The following KLF12 variants were observed in gnomAD, a reference collection of about 807,000 sequenced individuals.
KLF12 encodes Krueppel-like factor 12.
KLF12 carries 9 observed loss-of-function variants against 37.8 expected under a neutral mutation model. The observed-to-expected ratio is 0.24, with a 90% CI of 0.14 to 0.42. The LOEUF (loss-of-function observed/expected upper bound fraction) is 0.42, where lower values mean the gene tolerates loss of function less well. Among genes scored for constraint, KLF12 ranks in the 10% least tolerant of loss-of-function variants. The pLI is 1.00. For synonymous variants in KLF12, 208 were observed against 202.1 expected, an observed-to-expected ratio of 1.03 and a Z score of -0.25; for missense variants, 411 against 516.0, an observed-to-expected ratio of 0.80 and a Z score of 1.97.
intron 6 of KLF12, among the ~76,000 whole-genome samples, chr13:73,740,969 C>T (rs552541874): frequency 6.6e-6 from 1 of 152,232 alleles, no homozygotes; most frequent in Admixed American, 6.5e-5. Flanking sequence ...CCTAAAAATT[C>T]CAGGAGCAAA....
the KLF12 span, among the ~76,000 whole-genome samples, chr13:74,299,670 A>G: frequency 6.8e-4 from 104 of 152,324 alleles, no homozygotes; most frequent in Non-Finnish European, 1.2e-3. Flanking sequence ...GAACTGCCAT[A>G]GAGAGTTTTG....
chr13:74,273,983 A>G, the KLF12 span, among the ~76,000 whole-genome samples: 2 of 152,196 alleles, frequency 1.3e-5, no homozygotes, highest in African/African-American at 4.8e-5. Context: ...TCATAGTGTA[A>G]TTAAAAATAG....
intron 5 of KLF12, among the ~76,000 whole-genome samples, chr13:73,797,753 G>C (rs1431194860): frequency 9.1e-5 from 11 of 120,656 alleles, no homozygotes; most frequent in African/African-American, 3.5e-4. Context: ...CTGGGCAAGA[G>C]AGCAAGATCC....
At chr13:73,976,457 CATG>C (rs1026419787) in intron 2 of KLF12, among the ~76,000 whole-genome samples, 1 of 152,118 alleles carries the variant, frequency 6.6e-6, no homozygotes, top group Non-Finnish European at 1.5e-5. Context: ...ACCTCAGAAA[CATG>C]ATGAACTTCC....
At chr13:74,159,850 C>G in the KLF12 span, among the ~76,000 whole-genome samples, 1 of 152,024 alleles carries the variant, frequency 6.6e-6, no homozygotes. Context: ...GAAACCCTGT[C>G]TCTACCAAAA....
At chr13:73,966,939 G>A (rs542978319) in intron 2 of KLF12, among the ~76,000 whole-genome samples, 4 of 152,252 alleles carry the variant, frequency 2.6e-5, no homozygotes, top group African/African-American at 9.6e-5. Context: ...AAAATGACAT[G>A]CATTGCATAT....
At chr13:73,805,491 C>T (rs1882515875) in intron 5 of KLF12, among the ~76,000 whole-genome samples, 1 of 151,658 alleles carries the variant, frequency 6.6e-6, no homozygotes, top group African/African-American at 2.4e-5. Context: ...ACGGCACACA[C>T]TTGTAGTCTC....
At chr13:73,985,498 A>C (rs528026876) in intron 2 of KLF12, among the ~76,000 whole-genome samples, 1 of 152,326 alleles carries the variant, frequency 6.6e-6, no homozygotes, top group Middle Eastern at 3.4e-3. Flanking sequence ...CACAGTGTGC[A>C]ACATTAGAAG....
In KLF12 at chr13:73,884,081, G is replaced by A. The variant is rs368094453; in HGVS notation, c.124-37708C>T. On this transcript the variant is annotated intron_variant, in intron 3 of 7. Coordinates refer to ENST00000377669, the MANE Select transcript of KLF12 (RefSeq NM_007249.5). Reference sequence around the variant, plus strand: ...AACTCCCCTACTTAGTTTCCAAAAAGCTAACAGAATAAAACCTCAGTTTAC... The same window carrying A: ...AACTCCCCTACTTAGTTTCCAAAAAACTAACAGAATAAAACCTCAGTTTAC... Among the ~76,000 whole-genome samples the A allele has an allele frequency of 1.2e-4, 19 of 152,214 alleles. No homozygotes were observed. The East Asian group carries it at 3.5e-3, about 28-fold the overall frequency.
At chr13:74,148,187 T>C in the KLF12 span, among the ~76,000 whole-genome samples, 2 of 152,096 alleles carry the variant, frequency 1.3e-5, no homozygotes, top group Non-Finnish European at 2.9e-5. Context: ...GGTGCTGAGA[T>C]TACAGGTGTG....
intron 7 of KLF12, among the ~76,000 whole-genome samples, chr13:73,713,369 A>C (rs1253312319): frequency 1.3e-5 from 2 of 152,350 alleles, no homozygotes; most frequent in Non-Finnish European, 2.9e-5. Flanking sequence ...TGGTTAAACT[A>C]CTAATGTGGG....
At chr13:74,068,522 T>C (rs545182372) in intron 1 of KLF12, among the ~76,000 whole-genome samples, 1 of 152,096 alleles carries the variant, frequency 6.6e-6, no homozygotes, top group East Asian at 1.9e-4. Flanking sequence ...ATAGAAGATG[T>C]ATTTTTTACG....
chr13:74,041,614 A>G (rs1039024490), intron 1 of KLF12, among the ~76,000 whole-genome samples: 2 of 151,828 alleles, frequency 1.3e-5, no homozygotes, highest in Non-Finnish European at 2.9e-5. Flanking sequence ...CAAAATCACC[A>G]GCATCCACGG....
chr13:74,125,002 T>G (rs1006778336), intron 1 of KLF12, among the ~76,000 whole-genome samples: 1 of 151,764 alleles, frequency 6.6e-6, no homozygotes, highest in Non-Finnish European at 1.5e-5. Context: ...AAAAATCAGC[T>G]GGTCATGGTG....
chr13:74,180,904 AT>A, the KLF12 span, among the ~76,000 whole-genome samples: 1 of 152,218 alleles, frequency 6.6e-6, no homozygotes, highest in Non-Finnish European at 1.5e-5. Context: ...AGTACATTTA[AT>A]TTTGTATGTA....
intron 2 of KLF12, among the ~76,000 whole-genome samples, chr13:73,971,315 A>T (rs1891330944): frequency 6.6e-6 from 1 of 152,190 alleles, no homozygotes; most frequent in Non-Finnish European, 1.5e-5. Context: ...CAAAAACATT[A>T]ACTTCCTTCA....
chr13:74,167,682 A>G, the KLF12 span, among the ~76,000 whole-genome samples: 10 of 152,196 alleles, frequency 6.6e-5, no homozygotes, highest in Non-Finnish European at 1.2e-4. Context: ...CTGTGGTTTT[A>G]TACTTAATCT....
intron 1 of KLF12, among the ~76,000 whole-genome samples, chr13:74,121,933 A>G (rs1227760013): frequency 1.3e-5 from 2 of 152,076 alleles, no homozygotes; most frequent in Non-Finnish European, 2.9e-5. Context: ...CTGAAATTAA[A>G]AAGTAGACTC....
intron 1 of KLF12, among the ~76,000 whole-genome samples, chr13:74,101,426 C>T (rs1876336801): frequency 6.6e-6 from 1 of 152,132 alleles, no homozygotes; most frequent in Non-Finnish European, 1.5e-5. Flanking sequence ...AAAGTTTAAA[C>T]TTCCCCACAT....
Sources: allele counts gnomAD v4.1 joint callset (sites outside exome capture counted in the v4.1 genomes callset), GRCh38; gene constraint gnomAD v4.1.1; transcripts MANE v1.5; gene names NCBI Gene and HGNC (gene_info 2026-07-23, HGNC 2026-07-21).